Variants in OGFOD3 observed in about 807,000 individuals in gnomAD.
The protein encoded by OGFOD3 is 2-oxoglutarate and iron dependent oxygenase domain containing 3.
A neutral mutation model predicts 39.8 loss-of-function variants in OGFOD3; 35 were observed. The ratio of observed to expected loss-of-function variants is 0.88; its 90% CI spans 0.67 to 1.17. The LOEUF is 1.17. OGFOD3 is among the 50% of genes most tolerant of loss of function. The probability of loss-of-function intolerance (pLI) is 0.00; values close to 1 mark genes in which losing one functional copy is unlikely to be tolerated. For missense variants in OGFOD3, 438 were observed against 454.5 expected (o/e 0.96, Z 0.33); for synonymous variants, 200 against 192.0 (o/e 1.04, Z -0.34).
rs2052815958 is a variant in OGFOD3 at position 82,404,189 on chromosome 17, G to A, written c.546-99C>T. ...GCAGGAAAGGAACCAGCCTTCGTACGGCTCCGGGCCCGCGGGGCGGGGGCT... is the reference window on the plus strand; with the variant it reads ...GCAGGAAAGGAACCAGCCTTCGTACAGCTCCGGGCCCGCGGGGCGGGGGCT... On this transcript the variant is annotated intron_variant, in intron 6 of 8. Coordinates refer to ENST00000313056, the MANE Select transcript of OGFOD3 (RefSeq NM_024648.3). This position sits in a 1 kb window ranked among gnomAD's most constrained non-coding sequence, Gnocchi z 4.5. 4 of 1,362,872 alleles carry A rather than the reference G, an allele frequency of 2.9e-6. No individual in the cohort carries two copies. The highest frequency in any genetic ancestry group is 3.0e-5 in the South Asian group (2 of 66,678). The allele number at this position is 1,362,872 out of a possible 1,614,324, so 84.4% of individuals were successfully genotyped here.
In OGFOD3 at chr17:82,403,946, G is replaced by A. The variant is rs541418210; in HGVS notation, c.690C>T (p.His230=). Reference sequence around the variant, plus strand: ...CCACGGGCGCGCTCACCTTGTCCACGTGCGCATGCCAGTACTCGTCGTGCG... The same window carrying A: ...CCACGGGCGCGCTCACCTTGTCCACATGCGCATGCCAGTACTCGTCGTGCG... ...RTAHDEYWHA[H]VDKVTYGSFD... is the part of the protein sequence containing the mutation. Residue 230 remains histidine, a synonymous_variant, in exon 7 of 9, where the codon CAC becomes CAT. Coordinates refer to ENST00000313056, the MANE Select transcript of OGFOD3 (RefSeq NM_024648.3). 5.6e-6 allele frequency: 9 copies of A among 1,604,082 alleles called. No individual in the cohort carries two copies. The highest frequency in any genetic ancestry group is 4.0e-5 in the African/African-American group (3 of 74,950).
intron 4 of OGFOD3, 98 bp downstream of exon 4, chr17:82,409,270 C>T (rs1457360668): frequency 1.3e-5 from 17 of 1,263,118 alleles, no homozygotes; most frequent in South Asian, 4.9e-5. Context: ...TTTGGGGGCA[C>T]GCAGGGAACC....
chr17:82,409,532 A>G, intron 3 of OGFOD3, 122 bp from the exon 4 acceptor site: 1 of 860,116 alleles, frequency 1.2e-6, no homozygotes, highest in South Asian at 1.5e-5. Context: ...AATGTTTATG[A>G]TGTAAACAAA....
intron 7 of OGFOD3, among the ~76,000 whole-genome samples, chr17:82,403,442 G>A (rs1055810093): frequency 1.3e-5 from 2 of 152,128 alleles, no homozygotes; most frequent in Non-Finnish European, 2.9e-5. Flanking sequence ...GACTATCCTG[G>A]CCAACATGGT....
Position 82,398,409 on chromosome 17 carries a change from T to C in OGFOD3, c.700-90A>G, listed in dbSNP as rs934570087. On this transcript the variant is annotated intron_variant, in intron 7 of 8. Transcript: ENST00000313056. ...CTTCTCTCTCTTATTTTTTGTTTAT[T>C]TATTTTTTGAGACAGAGTCTTGCTC... The C allele has an allele frequency of 1.0e-5, 15 of 1,494,562 alleles. No homozygotes were observed. The African/African-American group carries it at 1.5e-4, about 15-fold the overall frequency. The allele number at this position is 1,494,562 out of a possible 1,614,324, so 92.6% of individuals were successfully genotyped here. A position where few individuals can be genotyped will look rare whatever the true frequency, so the allele number is the denominator to read the frequency against.
At chr17:82,416,420 C>T (rs1324003054) in intron 1 of OGFOD3, among the ~76,000 whole-genome samples, 2 of 152,088 alleles carry the variant, frequency 1.3e-5, no homozygotes, top group African/African-American at 4.8e-5. Flanking sequence ...ACACTAAGGA[C>T]GGGGGCCACT....
At chr17:82,410,287 G>A (rs558724824) in intron 3 of OGFOD3, among the ~76,000 whole-genome samples, 136 of 152,348 alleles carry the variant, frequency 8.9e-4, no homozygotes, top group African/African-American at 3.2e-3. Flanking sequence ...CAGCATCCTC[G>A]GGGGCAGGCT....
At chr17:82,403,502 C>T (rs2052798870) in intron 7 of OGFOD3, among the ~76,000 whole-genome samples, 1 of 152,098 alleles carries the variant, frequency 6.6e-6, no homozygotes, top group Non-Finnish European at 1.5e-5. Context: ...CCTGGTGGGG[C>T]ATGCCTGTAG....
intron 6 of OGFOD3, 121 bp downstream of exon 6, chr17:82,405,203 C>T (rs900603829): frequency 1.5e-5 from 12 of 805,332 alleles, no homozygotes; most frequent in Non-Finnish European, 2.5e-5. Context: ...CTCACTTCTG[C>T]AGGCCTGGCC....
At chr17:82,409,883 A>G (rs1192408422) in intron 3 of OGFOD3, among the ~76,000 whole-genome samples, 1 of 152,008 alleles carries the variant, frequency 6.6e-6, no homozygotes. Flanking sequence ...CAACAAAGCA[A>G]GACTCTGTCA....
At chr17:82,413,769 G>A (rs1348511182) in intron 2 of OGFOD3, among the ~76,000 whole-genome samples, 1 of 151,718 alleles carries the variant, frequency 6.6e-6, no homozygotes, top group Admixed American at 6.6e-5. Flanking sequence ...TACTCAGGAG[G>A]CTGAGGCAGG....
rs562840381 is a variant in OGFOD3, at chr17:82,404,207, C to G, written c.546-117G>C. 4,398 of 1,200,592 alleles carry G rather than the reference C, an allele frequency of 3.7e-3. 20 individuals carry two copies. Among genetic ancestry groups the G allele is most frequent in the Non-Finnish European group, 4.4e-3 (3,881 of 885,154 alleles). 74.4% of individuals were successfully genotyped at this position (1,200,592 alleles called of 1,614,324 possible). ...TTCGTACGGCTCCGGGCCCGCGGGG[C>G]GGGGGCTCCCAAGCACACCGGGAAC... On this transcript the variant is annotated intron_variant, in intron 6 of 8. Coordinates refer to ENST00000313056, the MANE Select transcript of OGFOD3 (RefSeq NM_024648.3). This position sits in a 1 kb window ranked among gnomAD's most constrained non-coding sequence, Gnocchi z 4.5.
chr17:82,406,630 G>A lies in OGFOD3; in HGVS notation c.424-148C>T, dbSNP rs931415571. 1.4e-6 allele frequency: 1 copy of A among 705,964 alleles called. No homozygotes were observed. The highest frequency in any genetic ancestry group is 1.8e-5 in the African/African-American group (1 of 56,954). The allele number at this position is 705,964 out of a possible 1,614,324, so 43.7% of individuals were successfully genotyped here. On this transcript the variant is annotated intron_variant, in intron 4 of 8. Transcript: ENST00000313056. This position sits in a 1 kb window ranked among gnomAD's most constrained non-coding sequence, Gnocchi z 5.2. ...TTTTGTTTTTGTTTTTTGTAAAAAG[G>A]ATCTTATTCTGTTGCCCAGGCTAGG...
intron 7 of OGFOD3, 157 bp downstream of exon 7, chr17:82,403,780 G>T: frequency 1.0e-6 from 1 of 962,736 alleles, no homozygotes; most frequent in South Asian, 1.5e-5. Context: ...CTGCCCACGT[G>T]CGTACTCACC....
Position 82,415,774 on chromosome 17 carries a change from G to C in OGFOD3, c.75-147C>G, listed in dbSNP as rs1196001323. On this transcript the variant is annotated intron_variant, in intron 1 of 8. Coordinates refer to ENST00000313056, the MANE Select transcript of OGFOD3 (RefSeq NM_024648.3). This position sits in a 1 kb window ranked among gnomAD's most constrained non-coding sequence, Gnocchi z 5.3. ...GGGCTTCCTGCCTGGGGCCAGCGCT[G>C]TCCACTCAGGAAACACGGACTCTTC... 2 of 664,240 alleles carry C rather than the reference G, an allele frequency of 3.0e-6. No individual in the cohort carries two copies. The highest frequency in any genetic ancestry group is 5.1e-6 in the Non-Finnish European group (2 of 395,834). 41.1% of individuals were successfully genotyped at this position (664,240 alleles called of 1,614,324 possible).
At chr17:82,412,672 C>G (rs368566757) in intron 2 of OGFOD3, among the ~76,000 whole-genome samples, 1 of 151,998 alleles carries the variant, frequency 6.6e-6, no homozygotes, top group Non-Finnish European at 1.5e-5. Context: ...CACAGATGCA[C>G]AAGGTACAGC....
chr17:82,403,407 G>A (rs1415934591), intron 7 of OGFOD3, among the ~76,000 whole-genome samples: 1 of 152,188 alleles, frequency 6.6e-6, no homozygotes. Flanking sequence ...CAAGGAAGGA[G>A]GATTGCCTGA....
chr17:82,399,888 G>A (rs2052734969), intron 7 of OGFOD3, among the ~76,000 whole-genome samples: 1 of 152,202 alleles, frequency 6.6e-6, no homozygotes, highest in Non-Finnish European at 1.5e-5. Flanking sequence ...ACCCAGACCA[G>A]GGAGGGAAAG....
intron 1 of OGFOD3, among the ~76,000 whole-genome samples, chr17:82,416,985 A>G (rs1254987071): frequency 6.6e-6 from 1 of 152,186 alleles, no homozygotes; most frequent in South Asian, 2.1e-4. Context: ...TCAAAAGTCT[A>G]TATTTCTATA....
Sources: gnomAD v4.1 joint callset for allele counts (sites outside exome capture counted in the v4.1 genomes callset) on GRCh38, gnomAD v4.1.1 for gene constraint, Gnocchi (gnomAD v3.1) non-coding constraint, MANE v1.5 for transcripts, NCBI Gene and HGNC (gene_info 2026-07-23, HGNC 2026-07-21) for gene names.